Variants in DCAF8L2 observed in about 807,000 individuals in gnomAD.
DCAF8L2 encodes DDB1 and CUL4 associated factor 8 like 2.
For synonymous variants in DCAF8L2, 200 were observed against 190.9 expected (o/e 1.05, Z -0.39); for missense variants, 430 against 490.7 (o/e 0.88, Z 1.17).
At chrX:27,474,195 G>A in the DCAF8L2 span, among the ~76,000 whole-genome samples, 66 of 111,589 alleles carry the variant, frequency 5.9e-4, no homozygotes, top group Admixed American at 5.8e-3. Flanking sequence ...ACAAAGGACC[G>A]AAAGAAGAAA....
intron 3 of DCAF8L2, among the ~76,000 whole-genome samples, chrX:27,712,184 C>T (rs954249259): frequency 9.0e-6 from 1 of 111,312 alleles, no homozygotes; most frequent in Non-Finnish European, 1.9e-5. Context: ...ATCCAATTAA[C>T]ATATTTCTGT....
At chrX:27,720,475 G>C (rs556876374) in intron 4 of DCAF8L2, among the ~76,000 whole-genome samples, 5 of 110,631 alleles carry the variant, frequency 4.5e-5, no homozygotes, top group Non-Finnish European at 7.6e-5. Context: ...CTGGGTTCAC[G>C]CCTTTCTCCT....
chrX:27,600,431 A>G (rs1410666651), intron 1 of DCAF8L2, among the ~76,000 whole-genome samples: 3 of 111,981 alleles, frequency 2.7e-5, no homozygotes, highest in Non-Finnish European at 5.6e-5. Flanking sequence ...TAATAAAAAT[A>G]TGGCCATCTC....
the DCAF8L2 span, among the ~76,000 whole-genome samples, chrX:27,579,174 T>C: frequency 8.9e-6 from 1 of 111,871 alleles, no homozygotes; most frequent in East Asian, 2.8e-4. Flanking sequence ...TCATCAATGA[T>C]AGACTGGATA....
chrX:27,733,577 T>C (rs912103848), intron 4 of DCAF8L2, among the ~76,000 whole-genome samples: 1 of 112,083 alleles, frequency 8.9e-6, no homozygotes, highest in Non-Finnish European at 1.9e-5. Context: ...GAGCTTGTAG[T>C]ATGATATGCC....
At chrX:27,473,415 G>C in the DCAF8L2 span, among the ~76,000 whole-genome samples, 1 of 110,634 alleles carries the variant, frequency 9.0e-6, no homozygotes, top group Non-Finnish European at 1.9e-5. Context: ...ACTTACATCA[G>C]TGAGATTCTT....
the DCAF8L2 span, among the ~76,000 whole-genome samples, chrX:27,533,164 G>GAGAGAGAAAGAA: frequency 2.3e-4 from 4 of 17,353 alleles, no homozygotes; most frequent in Admixed American, 9.4e-4. Flanking sequence ...GAGAGAGAGA[G>GAGAGAGAAAGAA]AGAAAGAAAG....
intron 2 of DCAF8L2, among the ~76,000 whole-genome samples, chrX:27,655,539 T>C (rs1349767971): frequency 8.9e-6 from 1 of 112,270 alleles, no homozygotes; most frequent in East Asian, 2.8e-4. Context: ...AAGCAATATA[T>C]AGAAACAAAC....
intron 2 of DCAF8L2, among the ~76,000 whole-genome samples, chrX:27,658,163 C>T (rs1929422287): frequency 1.8e-5 from 2 of 112,252 alleles, no homozygotes; most frequent in African/African-American, 6.5e-5. Flanking sequence ...TAAGTGTGTA[C>T]CACAGGATTA....
At chrX:27,519,729 A>G in the DCAF8L2 span, 1 of 569,246 alleles carries the variant, frequency 1.8e-6, no homozygotes, top group East Asian at 3.3e-5. Flanking sequence ...AACTTCAGGC[A>G]TTAAGTTCAG....
chrX:27,490,703 G>T, the DCAF8L2 span, among the ~76,000 whole-genome samples: 1 of 110,678 alleles, frequency 9.0e-6, no homozygotes, highest in Admixed American at 9.7e-5. Flanking sequence ...CTTATAATCC[G>T]CCCACCTCGG....
chrX:27,618,947 A>C (rs2147151189), intron 1 of DCAF8L2, among the ~76,000 whole-genome samples: 1 of 110,695 alleles, frequency 9.0e-6, no homozygotes, highest in South Asian at 3.8e-4. Context: ...TTTTATAATT[A>C]AGCCGATCTC....
At chrX:27,564,248 A>G in the DCAF8L2 span, among the ~76,000 whole-genome samples, 3 of 110,666 alleles carry the variant, frequency 2.7e-5, no homozygotes, top group Non-Finnish European at 5.7e-5. Context: ...ATCTCGTGAG[A>G]ACGCACTATC....
chrX:27,733,767 A>T (rs1168159206), intron 4 of DCAF8L2, among the ~76,000 whole-genome samples: 1 of 111,419 alleles, frequency 9.0e-6, no homozygotes, highest in Non-Finnish European at 1.9e-5. Flanking sequence ...CTTTCCCAAC[A>T]CCATGAATTG....
chrX:27,704,750 A>C (rs765078687), intron 3 of DCAF8L2, among the ~76,000 whole-genome samples: 1 of 111,725 alleles, frequency 9.0e-6, no homozygotes, highest in Non-Finnish European at 1.9e-5. Context: ...GTGTGTAGCA[A>C]CACATCATGT....
At chrX:27,497,551 T>TCCTTCCTTC in the DCAF8L2 span, among the ~76,000 whole-genome samples, 1 of 86,361 alleles carries the variant, frequency 1.2e-5, no homozygotes, top group African/African-American at 5.3e-5. Flanking sequence ...CTTCCTTCCT[T>TCCTTCCTTC]CTTTCTTTCT....
chrX:27,528,476 G>GTGTATATATATA, the DCAF8L2 span, among the ~76,000 whole-genome samples: 7 of 83,454 alleles, frequency 8.4e-5, no homozygotes, highest in African/African-American at 3.0e-4. Context: ...ATGTGTATGT[G>GTGTATATATATA]TATATATATA....
intron 4 of DCAF8L2, among the ~76,000 whole-genome samples, chrX:27,736,690 T>G (rs185423840): frequency 8.9e-6 from 1 of 112,156 alleles, no homozygotes. Flanking sequence ...TTGCCTAAAT[T>G]ATCTGTGCAT....
chrX:27,647,718 G>A (rs1928994857), intron 2 of DCAF8L2, among the ~76,000 whole-genome samples: 1 of 109,748 alleles, frequency 9.1e-6, no homozygotes, highest in South Asian at 3.9e-4. Context: ...GATGGAACAG[G>A]AAAGACCCCA....
Sources: gnomAD v4.1 joint callset for allele counts (sites outside exome capture counted in the v4.1 genomes callset) on GRCh38, gnomAD v4.1.1 for gene constraint, MANE v1.5 for transcripts, NCBI Gene and HGNC (gene_info 2026-07-23, HGNC 2026-07-21) for gene names.